The following DNAAF9 variants were observed in gnomAD, a reference collection of about 807,000 sequenced individuals.
The protein encoded by DNAAF9 is shulin.
Under a neutral mutation model 167.0 loss-of-function variants are expected in DNAAF9, and 90 were observed. That is an observed-to-expected ratio of 0.54 (90% CI 0.45 to 0.64). The LOEUF is 0.64. DNAAF9 is among the 30% of genes least tolerant of loss of function. The probability of loss-of-function intolerance (pLI) is 0.00; values close to 1 mark genes in which losing one functional copy is unlikely to be tolerated. For missense variants in DNAAF9, 1,315 were observed against 1,442.2 expected (o/e 0.91, Z 1.43); for synonymous variants, 491 against 508.8 (o/e 0.96, Z 0.47).
Position 3,276,566 on chromosome 20 carries a change from T to C in DNAAF9, c.2650+2346A>G, listed in dbSNP as rs8117445. ...GTTCAGACTAAAAGGGGCTTTTCTC[T>C]TGTGAGACAAGCCCAGGGCTGCCCC... On this transcript the variant is annotated intron_variant, in intron 29 of 36. Transcript: ENST00000252032. 6.5e-3 allele frequency among the ~76,000 whole-genome samples: 997 copies of C among 152,360 alleles called. 9 individuals carry two copies. The highest frequency in any genetic ancestry group is 0.023 in the African/African-American group (959 of 41,596).
chr20:3,370,995 C>A lies in DNAAF9; in HGVS notation c.612+3053G>T, dbSNP rs376615613. 3.3e-5 allele frequency among the ~76,000 whole-genome samples: 5 copies of A among 152,192 alleles called. No homozygotes were observed. The East Asian group carries it at 9.7e-4, about 29-fold the overall frequency. On this transcript the variant is annotated intron_variant, in intron 6 of 36. Transcript: ENST00000252032. ...TTACATAACAACCTTTAATTTAATT[C>A]TTTCCTTTCAATATCACCAATTTCC...
intron 34 of DNAAF9, 87 bp from the exon 35 acceptor site, chr20:3,255,371 C>T (rs1457193007): frequency 3.9e-6 from 3 of 761,502 alleles, no homozygotes; most frequent in Non-Finnish European, 7.0e-6. Flanking sequence ...TATTACACAA[C>T]TAAGATCTCA....
intron 10 of DNAAF9, among the ~76,000 whole-genome samples, chr20:3,338,101 TAC>T (rs1022917467): frequency 8.7e-5 from 13 of 150,030 alleles, no homozygotes; most frequent in Admixed American, 6.7e-5. Context: ...CATACATACA[TAC>T]ACACACACAT....
At chr20:3,350,140 GACACACAGACACACAGACACACAC>G (rs2070288617) in intron 7 of DNAAF9, among the ~76,000 whole-genome samples, 1 of 115,704 alleles carries the variant, frequency 8.6e-6, no homozygotes, top group Admixed American at 8.7e-5. Context: ...CAGACACACA[GACACACAGACACACAGACACACAC>G]ACACACACAC....
intron 1 of DNAAF9, among the ~76,000 whole-genome samples, chr20:3,401,434 A>G (rs897471351): frequency 2.0e-5 from 3 of 152,052 alleles, no homozygotes; most frequent in African/African-American, 7.2e-5. Flanking sequence ...TCCTGACCTC[A>G]GGTGATCCAC....
intron 22 of DNAAF9, among the ~76,000 whole-genome samples, chr20:3,297,638 GCCAGGTGGTA>G (rs1343865246): frequency 6.6e-6 from 1 of 152,198 alleles, no homozygotes; most frequent in Non-Finnish European, 1.5e-5. Context: ...AGTGCAGCCT[GCCAGGTGGTA>G]CCATTCGCAA....
intron 2 of DNAAF9, 95 bp downstream of exon 2, chr20:3,382,332 C>A (rs542436860): frequency 2.2e-6 from 2 of 928,100 alleles, no homozygotes; most frequent in African/African-American, 1.6e-5. Flanking sequence ...CAACTCACAG[C>A]TTATTTCACA....
In DNAAF9 at chr20:3,375,135, ACAAAT is replaced by A; in HGVS notation, c.409-14_409-10del. 1 of 1,499,250 alleles carries A rather than the reference ACAAAT, an allele frequency of 6.7e-7. No homozygotes were observed. Among genetic ancestry groups the A allele is most frequent in the South Asian group, 1.1e-5 (1 of 87,980 alleles). 92.9% of individuals were successfully genotyped at this position (1,499,250 alleles called of 1,614,324 possible). A position where few individuals can be genotyped will look rare whatever the true frequency, so the allele number is the denominator to read the frequency against. On this transcript the variant is annotated splice_polypyrimidine_tract_variant and intron_variant, in intron 4 of 36. Coordinates refer to ENST00000252032, the MANE Select transcript of DNAAF9 (RefSeq NM_001009984.3). ...GCTTCTTCATCTTCATACTGAAGAG[ACAAAT>A]CAAAAGAAAAATAAGCTCTGATGAG...
chr20:3,332,900 G>GGTGTGTGTGTGTGTGTGTGT (rs3082550), intron 10 of DNAAF9, among the ~76,000 whole-genome samples: 3 of 146,840 alleles, frequency 2.0e-5, no homozygotes, highest in African/African-American at 5.0e-5. Flanking sequence ...GTGTGCGTGT[G>GGTGTGTGTGTGTGTGTGTGT]GTGTGTGTGT....
At chr20:3,285,946 C>T (rs1440522028) in intron 27 of DNAAF9, among the ~76,000 whole-genome samples, 2 of 150,846 alleles carry the variant, frequency 1.3e-5, no homozygotes, top group East Asian at 3.9e-4. Flanking sequence ...CACCACTGCA[C>T]TCCAGCCTGG....
chr20:3,309,955 G>C (rs2069371078), intron 20 of DNAAF9, among the ~76,000 whole-genome samples: 1 of 152,158 alleles, frequency 6.6e-6, no homozygotes, highest in Non-Finnish European at 1.5e-5. Context: ...AACTTTGGGA[G>C]GCTGTGGCAG....
chr20:3,324,793 T>C, intron 14 of DNAAF9, 99 bp downstream of exon 14: 1 of 706,938 alleles, frequency 1.4e-6, no homozygotes, highest in South Asian at 1.7e-5. Flanking sequence ...TACTGAAACA[T>C]TTCTCAAAGG....
At chr20:3,314,555 C>T (rs556428197) in intron 20 of DNAAF9, among the ~76,000 whole-genome samples, 2 of 152,234 alleles carry the variant, frequency 1.3e-5, no homozygotes, top group African/African-American at 2.4e-5. Flanking sequence ...GAAGATTCTT[C>T]CCCAGAGGCT....
chr20:3,252,690 A>T lies in DNAAF9; in HGVS notation c.3422-6T>A. The T allele has an allele frequency of 1.3e-6, 2 of 1,526,156 alleles. No homozygotes were observed. The highest frequency in any genetic ancestry group is 1.8e-6 in the Non-Finnish European group (2 of 1,099,728). The allele number at this position is 1,526,156 out of a possible 1,614,324, so 94.5% of individuals were successfully genotyped here. A position where few individuals can be genotyped will look rare whatever the true frequency, so the allele number is the denominator to read the frequency against. ...ATTCATGAACTGGTCCATGACTGGT[A>T]TCTCATTAAGGAAGAGAGCTCTGAG... On this transcript the variant is annotated splice_polypyrimidine_tract_variant and splice_region_variant and intron_variant, in intron 36 of 36. Transcript: ENST00000252032.
intron 20 of DNAAF9, among the ~76,000 whole-genome samples, chr20:3,311,148 T>C (rs1052651767): frequency 2.0e-5 from 3 of 152,222 alleles, no homozygotes; most frequent in Admixed American, 6.5e-5. Context: ...TATTTACTTA[T>C]TTATTTTTTA....
At chr20:3,346,465 T>C (rs369384892) in intron 8 of DNAAF9, among the ~76,000 whole-genome samples, 17 of 151,978 alleles carry the variant, frequency 1.1e-4, no homozygotes, top group Admixed American at 1.1e-3. Context: ...TGGAGTACTA[T>C]GAATTGTAAC....
At chr20:3,295,154 C>A (rs911522433) in intron 23 of DNAAF9, among the ~76,000 whole-genome samples, 2 of 151,142 alleles carry the variant, frequency 1.3e-5, no homozygotes, top group African/African-American at 4.9e-5. Context: ...CAGGCATGAG[C>A]CACCGCACCC....
intron 9 of DNAAF9, among the ~76,000 whole-genome samples, chr20:3,341,331 C>T (rs1207961950): frequency 7.1e-6 from 1 of 140,358 alleles, no homozygotes; most frequent in Non-Finnish European, 1.6e-5. Flanking sequence ...CTGAGAAGCA[C>T]TTGACTCCCT....
intron 20 of DNAAF9, among the ~76,000 whole-genome samples, chr20:3,310,010 T>C (rs911198889): frequency 1.3e-5 from 2 of 151,902 alleles, no homozygotes; most frequent in Non-Finnish European, 2.9e-5. Context: ...CTGACCGACA[T>C]AGAGAAACCC....
Sources: gnomAD v4.1 joint callset for allele counts (sites outside exome capture counted in the v4.1 genomes callset) on GRCh38, gnomAD v4.1.1 for gene constraint, MANE v1.5 for transcripts, NCBI Gene and HGNC (gene_info 2026-07-23, HGNC 2026-07-21) for gene names.